USP6NL: variants seen among roughly 807,000 people sequenced by gnomAD.
The protein encoded by USP6NL is USP6 N-terminal-like protein.
In USP6NL, 26 loss-of-function variants were observed where a neutral mutation model predicts 61.9. That is an observed-to-expected ratio of 0.42 (90% CI 0.31 to 0.58). USP6NL has a LOEUF of 0.58. Among genes scored for constraint, USP6NL ranks in the 20% least tolerant of loss-of-function variants. The pLI is 0.16. For missense variants in USP6NL, 1,114 were observed against 1,034.3 expected (o/e 1.08, Z -1.06); for synonymous variants, 432 against 390.1 (o/e 1.11, Z -1.27).
chr10:11,488,119 T>C (rs917960157), intron 10 of USP6NL, among the ~76,000 whole-genome samples: 2 of 152,168 alleles, frequency 1.3e-5, no homozygotes, highest in Non-Finnish European at 2.9e-5. Context: ...CCAAGACAAG[T>C]TGTGATCTAA....
intron 2 of USP6NL, among the ~76,000 whole-genome samples, chr10:11,582,381 G>A (rs996503325): frequency 1.8e-4 from 27 of 152,188 alleles, no homozygotes; most frequent in African/African-American, 4.1e-4. Context: ...AATTACAGGC[G>A]TGAGCCACGG....
At position 11,518,693 on chromosome 10, in the gene USP6NL, A is replaced by G. The variant is rs1835071333; in HGVS notation, c.156-119T>C. 8 of 728,796 alleles carry G rather than the reference A, an allele frequency of 1.1e-5. No individual in the cohort carries two copies. Among genetic ancestry groups the G allele is most frequent in the Non-Finnish European group, 1.8e-5 (8 of 450,876 alleles). 45.1% of individuals were successfully genotyped at this position (728,796 alleles called of 1,614,324 possible). ...TTATTTGTCATCACAAGAGTTACAT[A>G]GGCTTCCATTCATTGAATTCAATAT... is the stretch of plus-strand genomic sequence containing the variant. On this transcript the variant is annotated intron_variant, in intron 4 of 14. Coordinates refer to ENST00000609104, the MANE Select transcript of USP6NL (RefSeq NM_014688.5). This position sits in a 1 kb window ranked among gnomAD's most constrained non-coding sequence, Gnocchi z 5.3.
At chr10:11,584,022 CTG>C (rs1176183105) in intron 2 of USP6NL, among the ~76,000 whole-genome samples, 1 of 152,042 alleles carries the variant, frequency 6.6e-6, no homozygotes, top group East Asian at 1.9e-4. Context: ...CAGCGAGACT[CTG>C]TCTCAAAAAA....
intron 1 of USP6NL, among the ~76,000 whole-genome samples, chr10:11,608,616 C>G (rs1838781989): frequency 6.6e-6 from 1 of 152,162 alleles, no homozygotes; most frequent in Non-Finnish European, 1.5e-5. Context: ...TCCCTCAAAA[C>G]CAAGTTAGGT....
intron 2 of USP6NL, among the ~76,000 whole-genome samples, chr10:11,555,433 A>AAAAAAAAAAAAAAAATATAT (rs1275798295): frequency 2.0e-5 from 1 of 49,038 alleles, no homozygotes; most frequent in African/African-American, 9.4e-5. Context: ...AAAAAAAAAA[A>AAAAAAAAAAAAAAAATATAT]ATATATATAT....
chr10:11,586,943 G>A (rs1206877839), intron 2 of USP6NL, among the ~76,000 whole-genome samples: 2 of 152,164 alleles, frequency 1.3e-5, no homozygotes, highest in East Asian at 3.9e-4. Flanking sequence ...TCTTCACTAG[G>A]TCTCAGCTGG....
At position 11,490,667 on chromosome 10, in the gene USP6NL, C is replaced by T. The variant is rs1038434979; in HGVS notation, c.543+165G>A. The stretch of plus-strand genomic sequence containing the variant: ...CTTCAGAATCAGCTCTGTTCTAAGG[C>T]CCTAGGGTTATCACAGGGTTTCAGC... On this transcript the variant is annotated intron_variant, in intron 9 of 14. Transcript: ENST00000609104. The surrounding 1 kb of genome is among the most constrained non-coding windows in gnomAD (Gnocchi z 4.5). 1.3e-5 allele frequency among the ~76,000 whole-genome samples: 2 copies of T among 152,194 alleles called. No homozygotes were observed. Among genetic ancestry groups the T allele is most frequent in the African/African-American group, 4.8e-5 (2 of 41,432 alleles).
At chr10:11,508,288 A>C (rs1834546231) in intron 6 of USP6NL, among the ~76,000 whole-genome samples, 1 of 152,236 alleles carries the variant, frequency 6.6e-6, no homozygotes, top group African/African-American at 2.4e-5. Context: ...ACATGCATTA[A>C]ATCATGAAAT....
rs1285465452 is a variant in USP6NL, at chr10:11,490,731, A to T, written c.543+101T>A. Reference sequence around the variant, plus strand: ...CAGAGCTAAAGAGACCATGGAGACCACCTAGCTCTGAGATGCAGAAATGTG... The same window carrying T: ...CAGAGCTAAAGAGACCATGGAGACCTCCTAGCTCTGAGATGCAGAAATGTG... On this transcript the variant is annotated intron_variant, in intron 9 of 14. Transcript: ENST00000609104. The surrounding 1 kb of genome is among the most constrained non-coding windows in gnomAD (Gnocchi z 4.5). The T allele has an allele frequency of 4.3e-6, 5 of 1,162,458 alleles. No individual in the cohort carries two copies. The highest frequency in any genetic ancestry group is 2.6e-5 in the East Asian group (1 of 38,622). 72.0% of individuals were successfully genotyped at this position (1,162,458 alleles called of 1,614,324 possible).
intron 2 of USP6NL, among the ~76,000 whole-genome samples, chr10:11,582,001 G>C (rs534495982): frequency 6.6e-6 from 1 of 152,164 alleles, no homozygotes; most frequent in South Asian, 2.1e-4. Flanking sequence ...TTTCGCTCTT[G>C]TCTCCCAGGC....
chr10:11,592,887 T>A lies in USP6NL; in HGVS notation c.4+4744A>T, dbSNP rs928161451. On this transcript the variant is annotated intron_variant, in intron 2 of 14. Coordinates refer to ENST00000609104, the MANE Select transcript of USP6NL (RefSeq NM_014688.5). This position sits in a 1 kb window ranked among gnomAD's most constrained non-coding sequence, Gnocchi z 4.7. ...CTCTAACAAATATTAAAACAAATTG[T>A]TCTTCACTTCAGCATGAACACTTAG... Among the ~76,000 whole-genome samples the A allele has an allele frequency of 4.6e-5, 7 of 152,222 alleles. No homozygotes were observed. The highest frequency in any genetic ancestry group is 1.7e-4 in the African/African-American group (7 of 41,456).
chr10:11,518,632 G>T lies in USP6NL; in HGVS notation c.156-58C>A. 1 of 1,318,262 alleles carries T rather than the reference G, an allele frequency of 7.6e-7. No homozygotes were observed. The highest frequency in any genetic ancestry group is 1.1e-6 in the Non-Finnish European group (1 of 922,570). The allele number at this position is 1,318,262 out of a possible 1,614,324, so 81.7% of individuals were successfully genotyped here. A position where few individuals can be genotyped will look rare whatever the true frequency, so the allele number is the denominator to read the frequency against. On this transcript the variant is annotated intron_variant, in intron 4 of 14. Transcript: ENST00000609104. The surrounding 1 kb of genome is among the most constrained non-coding windows in gnomAD (Gnocchi z 5.3). Reference sequence around the variant, plus strand: ...TTGAAATCAAAACAAACTTTTAAAAGCTTATATACTTATAGATACATATGA... The same window carrying T: ...TTGAAATCAAAACAAACTTTTAAAATCTTATATACTTATAGATACATATGA...
In USP6NL at chr10:11,501,176, G is replaced by A. The variant is rs1460283447; in HGVS notation, c.309C>T (p.Leu103=). The part of the protein sequence containing the change: ...FHRRIYKGIP[L]QLRGEVWALL... ...GGGCCCAGACTTCACCTCTGAGCTG[G>A]AGTGGTATTCCTTTGTAAATTCGCC... Residue 103 remains leucine, a synonymous_variant, in exon 7 of 15, where the codon CTC becomes CTT. Coordinates refer to ENST00000609104, the MANE Select transcript of USP6NL (RefSeq NM_014688.5). 4 of 1,612,780 alleles carry A rather than the reference G, an allele frequency of 2.5e-6. No individual in the cohort carries two copies. In the Admixed American group the frequency reaches 5.0e-5, roughly 20 times the overall value.
intron 2 of USP6NL, among the ~76,000 whole-genome samples, chr10:11,584,443 A>G (rs576137107): frequency 3.9e-5 from 6 of 152,318 alleles, no homozygotes; most frequent in Admixed American, 6.5e-5. Context: ...TGTAATCACC[A>G]TAACACATTA....
rs1037866877 is a variant in USP6NL at position 11,460,606 on chromosome 10, G to GTA, written c.*1833_*1834dup. ...TGACATAAGAAAATAGTGCTTGTGT[G>GTA]TATATATATATTTTTTGCATATATA... On this transcript the variant is annotated 3_prime_UTR_variant, in exon 15 of 15. Transcript: ENST00000609104. 1.0e-4 allele frequency: 14 copies of GTA among 136,626 alleles called. No individual in the cohort carries two copies. Among genetic ancestry groups the GTA allele is most frequent in the Non-Finnish European group, 1.7e-4 (11 of 64,542 alleles). The allele number at this position is 136,626 out of a possible 1,614,324, so 8.5% of individuals were successfully genotyped here. A position where few individuals can be genotyped will look rare whatever the true frequency, so the allele number is the denominator to read the frequency against.
At chr10:11,516,695 A>G (rs1189085198) in intron 5 of USP6NL, among the ~76,000 whole-genome samples, 1 of 152,206 alleles carries the variant, frequency 6.6e-6, no homozygotes, top group Non-Finnish European at 1.5e-5. Flanking sequence ...AATAAAAGAC[A>G]AGTGAATATA....
intron 2 of USP6NL, among the ~76,000 whole-genome samples, chr10:11,536,330 G>T (rs1835831159): frequency 6.6e-6 from 1 of 152,122 alleles, no homozygotes; most frequent in African/African-American, 2.4e-5. Context: ...AGCTCTGTGA[G>T]GTCCACAAAA....
intron 2 of USP6NL, among the ~76,000 whole-genome samples, chr10:11,594,385 G>A (rs1005620065): frequency 4.6e-5 from 7 of 152,150 alleles, no homozygotes; most frequent in African/African-American, 7.2e-5. Context: ...CTTTTTAACC[G>A]ACATCTAACA....
rs1427373375 is a variant in USP6NL at position 11,485,932 on chromosome 10, C to T, written c.665-21G>A. On this transcript the variant is annotated intron_variant, in intron 10 of 14. Coordinates refer to ENST00000609104, the MANE Select transcript of USP6NL (RefSeq NM_014688.5). The surrounding 1 kb of genome is among the most constrained non-coding windows in gnomAD (Gnocchi z 4.8). ...AAAGCCTAGAATACAAACATAAAAA[C>T]AACATTTCATAAACAATACCAACAA... 6.7e-7 allele frequency: 1 copy of T among 1,485,008 alleles called. No homozygotes were observed. The highest frequency in any genetic ancestry group is 9.1e-7 in the Non-Finnish European group (1 of 1,099,608). The allele number at this position is 1,485,008 out of a possible 1,614,324, so 92.0% of individuals were successfully genotyped here. A position where few individuals can be genotyped will look rare whatever the true frequency, so the allele number is the denominator to read the frequency against.
Sources: gnomAD v4.1 joint callset for allele counts (sites outside exome capture counted in the v4.1 genomes callset) on GRCh38, gnomAD v4.1.1 for gene constraint, Gnocchi (gnomAD v3.1) non-coding constraint, MANE v1.5 for transcripts, NCBI Gene and HGNC (gene_info 2026-07-23, HGNC 2026-07-21) for gene names.